Variants in DMD observed in about 807,000 individuals in gnomAD.
The protein encoded by DMD is mutant dystrophin.
In DMD, 63 loss-of-function variants were observed where a neutral mutation model predicts 330.1. The ratio of observed to expected loss-of-function variants is 0.19; its 90% confidence interval spans 0.16 to 0.24. DMD has a LOEUF of 0.24. Among genes scored for constraint, DMD ranks in the 10% least tolerant of loss-of-function variants. The probability of loss-of-function intolerance (pLI) is 1.00; values close to 1 mark genes in which losing one functional copy is unlikely to be tolerated. For synonymous variants in DMD, 1,223 were observed against 959.8 expected (o/e 1.27, Z -5.07); for missense variants, 3,344 against 2,684.1 (o/e 1.25, Z -5.43).
Position 32,463,467 on chromosome X carries a change from T to C in DMD, c.3404A>G (p.Asn1135Ser). ...SRLETELKEL[N>S]TQWDHMCQQV... Reference sequence around the variant, plus strand: ...TTGGCACATGTGATCCCACTGAGTGTTAAGTTCTTTGAGTTCTGTCTCAAG... The same window carrying C: ...TTGGCACATGTGATCCCACTGAGTGCTAAGTTCTTTGAGTTCTGTCTCAAG... The change falls in exon 25 of 79, where the codon AAC becomes AGC. Residue 1135 changes from asparagine (N) to serine (S), a missense_variant. Coordinates refer to ENST00000357033, the MANE Select transcript of DMD (RefSeq NM_004006.3). 1 of 1,208,337 alleles carries C rather than the reference T, an allele frequency of 8.3e-7. No homozygotes were observed. The highest frequency in any genetic ancestry group is 1.8e-5 in the South Asian group (1 of 56,114).
At chrX:32,987,154 C>T (rs2092865093) in intron 2 of DMD, among the ~76,000 whole-genome samples, 1 of 111,998 alleles carries the variant, frequency 8.9e-6, no homozygotes, top group Admixed American at 9.5e-5. Flanking sequence ...TTGAATTATC[C>T]AGGCAAAACC....
At chrX:33,199,301 G>A (rs369837788) in intron 1 of DMD, among the ~76,000 whole-genome samples, 4 of 111,221 alleles carry the variant, frequency 3.6e-5, no homozygotes, top group South Asian at 7.6e-4. Context: ...ATAAAGAGAA[G>A]TGGATGAAAA....
intron 38 of DMD, among the ~76,000 whole-genome samples, chrX:32,346,718 A>C (rs944940619): frequency 1.8e-4 from 20 of 111,874 alleles, no homozygotes; most frequent in African/African-American, 6.5e-4. Flanking sequence ...CGATCAAATA[A>C]TACTAAAATA....
In DMD at chrX:32,536,510, G is replaced by A. The variant is rs192100223; in HGVS notation, c.2168+8649C>T. ...TTTAAGCTAAAGCATAGGGCAGTGC[G>A]GAACAAAGTTCAGACTTTAGCAGAC... On this transcript the variant is annotated intron_variant, in intron 17 of 78. Transcript: ENST00000357033. 2.4e-3 allele frequency among the ~76,000 whole-genome samples: 263 copies of A among 111,873 alleles called. 1 individual carries two copies. Among genetic ancestry groups the A allele is most frequent in the African/African-American group, 8.3e-3 (256 of 30,805 alleles).
intron 55 of DMD, among the ~76,000 whole-genome samples, chrX:31,601,765 T>C (rs1481637004): frequency 4.5e-5 from 5 of 111,492 alleles, no homozygotes; most frequent in Admixed American, 9.5e-5. Flanking sequence ...TACTGCTCTT[T>C]ATATATTTCG....
chrX:32,484,927 A>G lies in DMD; in HGVS notation c.2795T>C (p.Leu932Pro). 1 of 1,211,234 alleles carries G rather than the reference A, an allele frequency of 8.3e-7. No individual in the cohort carries two copies. Residue 932 changes from leucine (L) to proline (P), a missense_variant, in exon 21 of 79, where the codon CTA becomes CCA. Leu to Pro is a moderately conservative substitution (Grantham distance 98). Coordinates refer to ENST00000357033, the MANE Select transcript of DMD (RefSeq NM_004006.3). Reference sequence around the variant, plus strand: ...TTAGGCTTTTTACTTACTTGTCTGTAGCTCTTTCTCTCTGGCCTGCACATC... The same window carrying G: ...TTAGGCTTTTTACTTACTTGTCTGTGGCTCTTTCTCTCTGGCCTGCACATC... ...FSDVQAREKE[L>P]QTIFDTLPPM...
intron 1 of DMD, among the ~76,000 whole-genome samples, chrX:33,305,282 T>C (rs1315449413): frequency 3.8e-5 from 4 of 105,771 alleles, no homozygotes; most frequent in East Asian, 3.0e-4. Context: ...ATGGATGAAA[T>C]TGGAAATCAT....
At chrX:32,475,723 A>G (rs1603634394) in intron 21 of DMD, among the ~76,000 whole-genome samples, 1 of 111,061 alleles carries the variant, frequency 9.0e-6, no homozygotes, top group Non-Finnish European at 1.9e-5. Flanking sequence ...TTGTACATTA[A>G]TCTTGTATCT....
chrX:31,271,119 C>A (rs2051594897), intron 62 of DMD, among the ~76,000 whole-genome samples: 1 of 111,670 alleles, frequency 9.0e-6, no homozygotes, highest in Admixed American at 9.5e-5. Flanking sequence ...GGTTAAGGAC[C>A]ATTGTCCTTG....
intron 2 of DMD, among the ~76,000 whole-genome samples, chrX:32,901,936 A>G: frequency 9.1e-6 from 1 of 110,298 alleles, no homozygotes; most frequent in East Asian, 2.8e-4. Flanking sequence ...GGAAAAGTAT[A>G]AAATCGCTCT....
At chrX:32,423,578 C>G (rs1569562105) in intron 29 of DMD, among the ~76,000 whole-genome samples, 1 of 110,322 alleles carries the variant, frequency 9.1e-6, no homozygotes, top group Non-Finnish European at 1.9e-5. Context: ...TACAGACGAA[C>G]AAAAACATTT....
At chrX:32,214,195 A>T (rs2097103763) in intron 44 of DMD, among the ~76,000 whole-genome samples, 1 of 104,112 alleles carries the variant, frequency 9.6e-6, no homozygotes, top group African/African-American at 3.5e-5. Context: ...GGCTGAACTT[A>T]ATCTCCTGCC....
intron 9 of DMD, among the ~76,000 whole-genome samples, chrX:32,684,178 TGTAA>T (rs1331908892): frequency 1.0e-4 from 11 of 109,870 alleles, no homozygotes; most frequent in African/African-American, 3.3e-4. Flanking sequence ...ATACTCCCTA[TGTAA>T]GTGTTTAGTA....
intron 59 of DMD, among the ~76,000 whole-genome samples, chrX:31,464,302 A>G (rs768380419): frequency 1.8e-5 from 2 of 112,068 alleles, no homozygotes; most frequent in African/African-American, 6.5e-5. Flanking sequence ...ATAATAACCA[A>G]TTCTAGCTCC....
chrX:32,442,583 AT>A lies in DMD; in HGVS notation c.3787-1270del, dbSNP rs199550904. ...ACTGAAATGGCCATTTCAGAAAACA[AT>A]TTGTTATTCTCAATAAGGTGAACAT... On this transcript the variant is annotated intron_variant, in intron 27 of 78. Coordinates refer to ENST00000357033, the MANE Select transcript of DMD (RefSeq NM_004006.3). 2.6e-4 allele frequency among the ~76,000 whole-genome samples: 29 copies of A among 110,623 alleles called. No individual in the cohort carries two copies. In the East Asian group the frequency reaches 4.9e-3, roughly 19 times the overall value.
chrX:31,394,583 C>G (rs992756461), intron 60 of DMD, among the ~76,000 whole-genome samples: 65 of 111,144 alleles, frequency 5.8e-4, no homozygotes, highest in African/African-American at 2.0e-3. Context: ...CACCTGAGGT[C>G]AGGAGTTTCG....
chrX:32,748,892 T>C (rs1172719101), intron 7 of DMD, among the ~76,000 whole-genome samples: 1 of 112,452 alleles, frequency 8.9e-6, no homozygotes, highest in Non-Finnish European at 1.9e-5. Flanking sequence ...CTACTTTGCC[T>C]GAAGCATAAA....
At chrX:31,747,328 C>T (rs770949172) in intron 51 of DMD, among the ~76,000 whole-genome samples, 2 of 111,657 alleles carry the variant, frequency 1.8e-5, no homozygotes, top group South Asian at 7.5e-4. Flanking sequence ...CTTCAGTAAA[C>T]AAAGAACAGA....
chrX:32,485,634 T>C lies in DMD; in HGVS notation c.2623-535A>G, dbSNP rs990180107. 3.7e-5 allele frequency among the ~76,000 whole-genome samples: 4 copies of C among 108,473 alleles called. No homozygotes were observed. The South Asian group carries it at 1.6e-3, about 43-fold the overall frequency. 94.2% of individuals were successfully genotyped at this position (108,473 alleles called of 115,157 possible). ...ACACATATAAAATCTATATAATACT[T>C]ATACATATGTATGTACACACCCAAA... On this transcript the variant is annotated intron_variant, in intron 20 of 78. Transcript: ENST00000357033.
Sources: allele counts gnomAD v4.1 joint callset (sites outside exome capture counted in the v4.1 genomes callset), GRCh38; gene constraint gnomAD v4.1.1; transcripts MANE v1.5; gene names NCBI Gene and HGNC (gene_info 2026-07-23, HGNC 2026-07-21).